Variants in PDPR observed in about 807,000 individuals in gnomAD.
The protein encoded by PDPR is pyruvate dehydrogenase phosphatase regulatory subunit, mitochondrial.
Under a neutral mutation model 102.2 loss-of-function variants are expected in PDPR, and 50 were observed. That is an observed-to-expected ratio of 0.49 (90% CI 0.39 to 0.62). The LOEUF (loss-of-function observed/expected upper bound fraction) is 0.62, where lower values mean the gene tolerates loss of function less well. PDPR is among the 20% of genes least tolerant of loss of function. The pLI, the probability that PDPR is intolerant of heterozygous loss-of-function variation, is 0.00. For missense variants in PDPR, 625 were observed against 1,098.2 expected, an observed-to-expected ratio of 0.57 and a Z score of 6.09; for synonymous variants, 259 against 406.0, an observed-to-expected ratio of 0.64 and a Z score of 4.35.
chr16:70,136,525 A>G (rs1362607476), intron 10 of PDPR, 139 bp downstream of exon 10: 1 of 794,538 alleles, frequency 1.3e-6, no homozygotes, highest in Non-Finnish European at 2.0e-6. Flanking sequence ...GATACATGTA[A>G]TTTTGGAGTT....
intron 10 of PDPR, among the ~76,000 whole-genome samples, chr16:70,138,207 A>ATTT (rs1201065640): frequency 0.015 from 1,402 of 93,856 alleles, 12 homozygotes; most frequent in African/African-American, 0.017. Context: ...ACGCCGGCTA[A>ATTT]TTTTTTTTTT....
At chr16:70,145,493 A>T (rs188322583) in intron 15 of PDPR, among the ~76,000 whole-genome samples, 246 of 152,260 alleles carry the variant, frequency 1.6e-3, no homozygotes, top group Admixed American at 4.3e-3. Context: ...CACTCTCAGC[A>T]GTCTCGGCTT....
chr16:70,145,760 G>C, intron 15 of PDPR: 2 of 466,580 alleles, frequency 4.3e-6, no homozygotes, highest in Non-Finnish European at 8.3e-6. Flanking sequence ...TAAGCATTAG[G>C]ATATGTTTGA....
At chr16:70,127,569 C>T (rs1406231374) in intron 4 of PDPR, among the ~76,000 whole-genome samples, 176 bp downstream of exon 4, 2 of 152,262 alleles carry the variant, frequency 1.3e-5, no homozygotes, top group Non-Finnish European at 2.9e-5. Flanking sequence ...GCAGGCGGAT[C>T]ACGAGGTCAG....
chr16:70,153,483 TGA>T lies in PDPR; in HGVS notation c.2148_2149del (p.Lys717ValfsTer11), dbSNP rs1966850061. 1 of 1,613,370 alleles carries T rather than the reference TGA, an allele frequency of 6.2e-7. No individual in the cohort carries two copies. The highest frequency in any genetic ancestry group is 8.5e-7 in the Non-Finnish European group (1 of 1,179,728). On this transcript the variant is annotated frameshift_variant, in exon 18 of 19. Coordinates refer to ENST00000288050, the MANE Select transcript of PDPR (RefSeq NM_017990.5). LOFTEE classifies it high-confidence loss of function. ...ATTACGCTCTTCGCAGTCTCCGAATTGAGAAGTTTTTTGCCTTCTGGGGTCAG... is the reference window on the plus strand; with the variant it reads ...ATTACGCTCTTCGCAGTCTCCGAATTGAAGTTTTTTGCCTTCTGGGGTCAG... ...GYYALRSLRI[E>X]KFFAFWGQDI...
At position 70,142,699 on chromosome 16, in the gene PDPR, G is replaced by A; in HGVS notation, c.1605+13G>A. ...GTTTGAGATAACAGTAAGTATTTGG[G>A]AACCAAAAAGTAATAGATTAGGAAA... On this transcript the variant is annotated intron_variant, in intron 13 of 18. Coordinates refer to ENST00000288050, the MANE Select transcript of PDPR (RefSeq NM_017990.5). 1 of 1,613,780 alleles carries A rather than the reference G, an allele frequency of 6.2e-7. No homozygotes were observed.
Position 70,136,276 on chromosome 16 carries a change from C to A in PDPR, c.1080C>A (p.Thr360=). The change falls in exon 10 of 19, where the codon ACC becomes ACA. Residue 360 remains threonine (T), a synonymous_variant. Coordinates refer to ENST00000288050, the MANE Select transcript of PDPR (RefSeq NM_017990.5). ...TGAAGTTGGTGAACTGCCCAGAGAC[C>A]TTCACACCAGACATGAGGTGCATCA... is the stretch of plus-strand genomic sequence containing the variant. ...EIMKLVNCPE[T]FTPDMRCIMG... is the part of the protein sequence containing the mutation. 6.2e-7 allele frequency: 1 copy of A among 1,613,526 alleles called. No individual in the cohort carries two copies. The highest frequency in any genetic ancestry group is 8.5e-7 in the Non-Finnish European group (1 of 1,179,626).
At chr16:70,148,602 CT>C in intron 17 of PDPR, 49 bp downstream of exon 17, 2 of 1,485,902 alleles carry the variant, frequency 1.3e-6, no homozygotes, top group South Asian at 1.2e-5. Context: ...CTTCCCTTCC[CT>C]TCCCTTCCCT....
At chr16:70,120,297 G>A (rs927720416) in intron 2 of PDPR, 164 bp from the exon 3 acceptor site, 34 of 544,638 alleles carry the variant, frequency 6.2e-5, no homozygotes, top group African/African-American at 5.3e-4. Flanking sequence ...TGATCCGCCC[G>A]CCTTGGCCTC....
chr16:70,156,693 C>T lies in PDPR; in HGVS notation c.2454C>T (p.His818=). ...GCCACGTTTGCCTGGGCTTTGTGCA[C>T]AATTTTTCTGAGGACACGGGGGAAG... ...LERHVCLGFV[H]NFSEDTGEEQ... Residue 818 remains histidine (H), a synonymous_variant, in exon 19 of 19, where the codon CAC becomes CAT. Coordinates refer to ENST00000288050, the MANE Select transcript of PDPR (RefSeq NM_017990.5). The T allele has an allele frequency of 1.2e-6, 2 of 1,614,104 alleles. No homozygotes were observed. The highest frequency in any genetic ancestry group is 1.1e-5 in the South Asian group (1 of 91,090).
intron 6 of PDPR, among the ~76,000 whole-genome samples, chr16:70,129,612 G>A (rs1165220938): frequency 4.6e-5 from 7 of 152,254 alleles, no homozygotes; most frequent in Non-Finnish European, 1.0e-4. Flanking sequence ...GCCTCCCTAA[G>A]TGCTGGGATT....
intron 17 of PDPR, among the ~76,000 whole-genome samples, chr16:70,149,801 T>C (rs994832969): frequency 6.6e-6 from 1 of 151,790 alleles, no homozygotes; most frequent in Admixed American, 6.6e-5. Context: ...CTCCAGAACC[T>C]TTTTTTTGAG....
Position 70,146,152 on chromosome 16 carries a change from C to T in PDPR, c.1886C>T (p.Pro629Leu), listed in dbSNP as rs1189362736. ...WKYTALNLIG[P>L]RAVDVLSELS... ...CATTTAGCCCTCAATCTGATTGGCC[C>T]TCGAGCTGTGGATGTGCTGTCTGAG... The change falls in exon 16 of 19, where the codon CCT becomes CTT. Residue 629 changes from proline (P) to leucine (L), a missense_variant. Pro to Leu is a moderately conservative substitution (Grantham distance 98). Transcript: ENST00000288050. 1 of 1,613,418 alleles carries T rather than the reference C, an allele frequency of 6.2e-7. No individual in the cohort carries two copies. Among genetic ancestry groups the T allele is most frequent in the African/African-American group, 1.3e-5 (1 of 74,974 alleles).
intron 3 of PDPR, among the ~76,000 whole-genome samples, chr16:70,123,148 C>A (rs1332517530): frequency 6.6e-6 from 1 of 152,236 alleles, no homozygotes; most frequent in African/African-American, 2.4e-5. Context: ...CTGATCCACC[C>A]GCCTCAGCCT....
intron 9 of PDPR, among the ~76,000 whole-genome samples, chr16:70,133,873 A>G (rs1567537183): frequency 6.6e-6 from 1 of 152,136 alleles, no homozygotes. Context: ...AGCTGGGATT[A>G]CAGACATGCG....
At position 70,120,578 on chromosome 16, in the gene PDPR, C is replaced by G. The variant is rs756500622; in HGVS notation, c.86C>G (p.Thr29Arg). ...WQNWSSARNS[T>R]SAAEARSMAL... ...AACTGGTCCTCTGCAAGAAACAGCACGTCAGCTGCCGAGGCGCGTTCCATG... is the reference window on the plus strand; with the variant it reads ...AACTGGTCCTCTGCAAGAAACAGCAGGTCAGCTGCCGAGGCGCGTTCCATG... The change falls in exon 3 of 19, where the codon ACG becomes AGG. Residue 29 changes from threonine to arginine, a missense_variant. Around this residue, in one of 11 missense-constraint regions of PDPR, gnomAD observed 84 missense variants for 87.7 expected, o/e 0.96. Coordinates refer to ENST00000288050, the MANE Select transcript of PDPR (RefSeq NM_017990.5). 89 of 1,613,738 alleles carry G rather than the reference C, an allele frequency of 5.5e-5. 1 individual carries two copies. The highest frequency in any genetic ancestry group is 7.3e-5 in the Non-Finnish European group (86 of 1,179,742).
chr16:70,121,323 C>A (rs1437210702), intron 3 of PDPR, among the ~76,000 whole-genome samples: 1 of 151,626 alleles, frequency 6.6e-6, no homozygotes, highest in Admixed American at 6.6e-5. Flanking sequence ...GTAATAGTTA[C>A]AGAGATTACA....
chr16:70,127,444 A>T, intron 4 of PDPR, 51 bp downstream of exon 4: 1 of 1,583,172 alleles, frequency 6.3e-7, no homozygotes, highest in Non-Finnish European at 8.6e-7. Flanking sequence ...AGATTGTTAT[A>T]TTCATTTCTG....
chr16:70,163,274 TTTTTTAAG>T (rs1268524851), downstream of PDPR, among the ~76,000 whole-genome samples: 6 of 152,224 alleles, frequency 3.9e-5, no homozygotes, highest in Non-Finnish European at 7.3e-5. Flanking sequence ...TAGTTTTTTT[TTTTTTAAG>T]TATTTGTACT....
Sources: allele counts gnomAD v4.1 joint callset (sites outside exome capture counted in the v4.1 genomes callset), GRCh38; gene constraint gnomAD v4.1.1; regional missense constraint gnomAD v4.1.1; transcripts MANE v1.5; gene names NCBI Gene and HGNC (gene_info 2026-07-23, HGNC 2026-07-21).